The following PLXDC2 variants were observed in gnomAD, a reference collection of about 807,000 sequenced individuals.
PLXDC2 encodes the protein plexin domain-containing protein 2.
PLXDC2 carries 40 observed loss-of-function variants against 68.9 expected under a neutral mutation model. The observed-to-expected ratio is 0.58, with a 90% CI of 0.45 to 0.76. PLXDC2 has a LOEUF of 0.76. PLXDC2 is among the 30% of genes least tolerant of loss of function. PLXDC2 has a pLI of 0.00. For missense variants in PLXDC2, 644 were observed against 661.9 expected (o/e 0.97, Z 0.30); for synonymous variants, 243 against 234.2 (o/e 1.04, Z -0.34).
At chr10:20,115,139 C>T (rs1164635456) in intron 4 of PLXDC2, among the ~76,000 whole-genome samples, 1 of 152,114 alleles carries the variant, frequency 6.6e-6, no homozygotes, top group East Asian at 1.9e-4. Context: ...TTGCCATAAA[C>T]CAGAGGGCCA....
intron 1 of PLXDC2, among the ~76,000 whole-genome samples, chr10:19,869,618 T>C (rs1466146337): frequency 6.6e-6 from 1 of 152,138 alleles, no homozygotes; most frequent in Non-Finnish European, 1.5e-5. Context: ...ACAATGTGGT[T>C]AGTTATTATA....
intron 9 of PLXDC2, among the ~76,000 whole-genome samples, chr10:20,189,504 T>TATATATATATATATAC (rs1554773611): frequency 0.015 from 1,832 of 121,128 alleles, 44 homozygotes; most frequent in Non-Finnish European, 0.02. Context: ...TATATATATA[T>TATATATATATATATAC]ACACATACAC....
chr10:20,149,221 TTTC>T (rs1834119453), intron 6 of PLXDC2, among the ~76,000 whole-genome samples: 2 of 131,164 alleles, frequency 1.5e-5, no homozygotes, highest in African/African-American at 5.6e-5. Flanking sequence ...TTTCTTTTTT[TTTC>T]TTTTCTTTTT....
intron 4 of PLXDC2, among the ~76,000 whole-genome samples, chr10:20,081,056 G>A (rs760878044): frequency 2.9e-4 from 44 of 152,122 alleles, no homozygotes; most frequent in Admixed American, 5.2e-4. Flanking sequence ...TGAAACTCCC[G>A]GATGGCTCTG....
At chr10:20,056,351 C>A (rs1275896549) in intron 3 of PLXDC2, among the ~76,000 whole-genome samples, 6 of 152,158 alleles carry the variant, frequency 3.9e-5, no homozygotes, top group Admixed American at 2.0e-4. Context: ...TATTTCTCTG[C>A]ATGCCTGGGA....
At chr10:20,254,397 G>T (rs1167007028) in intron 13 of PLXDC2, among the ~76,000 whole-genome samples, 1 of 152,160 alleles carries the variant, frequency 6.6e-6, no homozygotes, top group African/African-American at 2.4e-5. Flanking sequence ...TTAGGAAGAC[G>T]CGATCTGTGG....
At chr10:19,988,298 C>T (rs991007887) in intron 1 of PLXDC2, among the ~76,000 whole-genome samples, 2 of 152,126 alleles carry the variant, frequency 1.3e-5, no homozygotes, top group African/African-American at 2.4e-5. Flanking sequence ...AATTGGGAAC[C>T]TCTTTTGGGT....
chr10:19,841,094 G>A (rs567862806), intron 1 of PLXDC2, among the ~76,000 whole-genome samples: 14 of 152,214 alleles, frequency 9.2e-5, no homozygotes, highest in South Asian at 2.1e-4. Context: ...TTGATTAGCC[G>A]AACCATGGAA....
intron 13 of PLXDC2, among the ~76,000 whole-genome samples, chr10:20,278,542 A>G (rs563434154): frequency 6.6e-6 from 1 of 152,282 alleles, no homozygotes; most frequent in South Asian, 2.1e-4. Context: ...ATCAGCAAAT[A>G]AATTTACGGC....
In PLXDC2 at chr10:20,245,505, G is replaced by A; in HGVS notation, c.1473G>A (p.Glu491=). 1 of 1,609,982 alleles carries A rather than the reference G, an allele frequency of 6.2e-7. No homozygotes were observed. The highest frequency in any genetic ancestry group is 8.5e-7 in the Non-Finnish European group (1 of 1,178,828). The change falls in exon 13 of 14, where the codon GAG becomes GAA. Residue 491 remains glutamate, a splice_region_variant and synonymous_variant. Coordinates refer to ENST00000377252, the MANE Select transcript of PLXDC2 (RefSeq NM_032812.9). ...PTSAASIFFI[E]RRPSRWPAMK... ...CAGCAGCCAGCATCTTCTTTATTGA[G>A]GTAAGTGTTGAGTTTAACACATGAA...
At chr10:20,192,886 A>G (rs900931436) in intron 9 of PLXDC2, among the ~76,000 whole-genome samples, 2 of 152,088 alleles carry the variant, frequency 1.3e-5, no homozygotes, top group African/African-American at 4.8e-5. Flanking sequence ...CTGAAATTGA[A>G]CACAGAATCT....
chr10:19,870,194 A>C (rs1197846334), intron 1 of PLXDC2, among the ~76,000 whole-genome samples: 3 of 152,216 alleles, frequency 2.0e-5, no homozygotes, highest in African/African-American at 4.8e-5. Flanking sequence ...CGTAAAACCC[A>C]AATTAAGTAA....
At chr10:19,964,842 C>T (rs1042465666) in intron 1 of PLXDC2, among the ~76,000 whole-genome samples, 3 of 152,096 alleles carry the variant, frequency 2.0e-5, no homozygotes, top group Non-Finnish European at 4.4e-5. Flanking sequence ...ACTCTAAGAG[C>T]CTTTCCAGCT....
intron 1 of PLXDC2, among the ~76,000 whole-genome samples, chr10:19,939,494 A>C (rs1439691039): frequency 6.6e-6 from 1 of 152,192 alleles, no homozygotes; most frequent in Non-Finnish European, 1.5e-5. Flanking sequence ...GATTTCTCCA[A>C]GATGCCAAAA....
chr10:20,053,032 G>T (rs925785228), intron 3 of PLXDC2, among the ~76,000 whole-genome samples: 1 of 152,090 alleles, frequency 6.6e-6, no homozygotes, highest in Non-Finnish European at 1.5e-5. Flanking sequence ...CTTGGAAGAG[G>T]AGGAGGATGG....
intron 2 of PLXDC2, among the ~76,000 whole-genome samples, chr10:20,031,439 C>G (rs75707500): frequency 0.018 from 2,687 of 152,166 alleles, 77 homozygotes; most frequent in African/African-American, 0.061. Context: ...ACAAACCAGT[C>G]CAATTTACTT....
At chr10:19,995,321 G>A (rs576087265) in intron 1 of PLXDC2, among the ~76,000 whole-genome samples, 2 of 152,180 alleles carry the variant, frequency 1.3e-5, no homozygotes, top group South Asian at 2.1e-4. Flanking sequence ...GGGAAACCAG[G>A]GCCAAAATTC....
intron 1 of PLXDC2, among the ~76,000 whole-genome samples, chr10:19,864,644 A>C (rs553924802): frequency 6.6e-6 from 1 of 152,318 alleles, no homozygotes; most frequent in African/African-American, 2.4e-5. Flanking sequence ...TTGCTAATTC[A>C]TTTTATTATA....
At chr10:19,950,486 A>G (rs1833973340) in intron 1 of PLXDC2, among the ~76,000 whole-genome samples, 1 of 152,232 alleles carries the variant, frequency 6.6e-6, no homozygotes, top group East Asian at 1.9e-4. Flanking sequence ...GAACTAAAAA[A>G]TATTGCAGAA....
Sources: allele counts gnomAD v4.1 joint callset (sites outside exome capture counted in the v4.1 genomes callset), GRCh38; gene constraint gnomAD v4.1.1; transcripts MANE v1.5; gene names NCBI Gene and HGNC (gene_info 2026-07-23, HGNC 2026-07-21).